GALNT14: variants seen among roughly 807,000 people sequenced by gnomAD.
GALNT14 encodes UDP-GalNAc:polypeptide N-acetylgalactosaminyltransferase 14.
A neutral mutation model predicts 77.5 loss-of-function variants in GALNT14; 60 were observed. That is an observed-to-expected ratio of 0.77 (90% CI 0.63 to 0.96). The LOEUF (loss-of-function observed/expected upper bound fraction) is 0.96, where lower values mean the gene tolerates loss of function less well. GALNT14 is among the 40% of genes least tolerant of loss of function. The pLI is 0.00. For missense variants in GALNT14, 710 were observed against 731.0 expected (o/e 0.97, Z 0.33); for synonymous variants, 280 against 281.7 (o/e 0.99, Z 0.06).
At chr2:31,074,803 T>C (rs1003937688) in intron 1 of GALNT14, among the ~76,000 whole-genome samples, 1 of 152,158 alleles carries the variant, frequency 6.6e-6, no homozygotes, top group African/African-American at 2.4e-5. Context: ...CAGCCCAGAC[T>C]TAAGAGGTAG....
At chr2:30,896,012 C>T in the GALNT14 span, among the ~76,000 whole-genome samples, 2 of 152,204 alleles carry the variant, frequency 1.3e-5, no homozygotes, top group African/African-American at 2.4e-5. Flanking sequence ...TGGGCAACCT[C>T]GACCAGTTAT....
chr2:30,953,452 G>A (rs1667165059), intron 6 of GALNT14, among the ~76,000 whole-genome samples: 4 of 152,006 alleles, frequency 2.6e-5, no homozygotes, highest in Non-Finnish European at 4.4e-5. Flanking sequence ...GGGACTACAG[G>A]TGCGTGCCAC....
At chr2:31,053,859 G>A (rs1315514834) in intron 1 of GALNT14, among the ~76,000 whole-genome samples, 1 of 152,188 alleles carries the variant, frequency 6.6e-6, no homozygotes, top group Non-Finnish European at 1.5e-5. Context: ...TTAGATCATA[G>A]CATTTAAGTC....
chr2:30,929,507 C>CA lies in GALNT14; in HGVS notation c.1059-21dup. The stretch of plus-strand genomic sequence containing the variant: ...GTGTTCCTGGGAAAACAAGGAGTGA[C>CA]AAGGGGTGTCAGTAAGGGGCTGTCT... On this transcript the variant is annotated intron_variant, in intron 10 of 14. Coordinates refer to ENST00000349752, the MANE Select transcript of GALNT14 (RefSeq NM_024572.4). The CA allele has an allele frequency of 6.3e-7, 1 of 1,583,880 alleles. No individual in the cohort carries two copies. Among genetic ancestry groups the CA allele is most frequent in the Non-Finnish European group, 8.7e-7 (1 of 1,155,288 alleles).
At chr2:30,932,732 C>A (rs2148255062) in intron 9 of GALNT14, among the ~76,000 whole-genome samples, 1 of 152,306 alleles carries the variant, frequency 6.6e-6, no homozygotes, top group South Asian at 2.1e-4. Flanking sequence ...ACAAAGGGGA[C>A]TGAGTCCCCA....
At chr2:31,024,989 C>T (rs1424012690) in intron 1 of GALNT14, among the ~76,000 whole-genome samples, 1 of 152,200 alleles carries the variant, frequency 6.6e-6, no homozygotes, top group Non-Finnish European at 1.5e-5. Flanking sequence ...CTGCTGTGTG[C>T]AGCAGGCCAA....
In GALNT14 at chr2:31,138,112, C is replaced by T. The variant is rs1481322498; in HGVS notation, c.-26G>A. The T allele has an allele frequency of 1.2e-6, 2 of 1,613,278 alleles. No homozygotes were observed. The highest frequency in any genetic ancestry group is 1.3e-5 in the African/African-American group (1 of 75,044). ...GGTCCCCTTTGCCGCTTCCTCTCCG[C>T]GGCGCTACGTCCCGGGGGCACCCCC... On this transcript the variant is annotated 5_prime_UTR_variant, in exon 1 of 15. Coordinates refer to ENST00000349752, the MANE Select transcript of GALNT14 (RefSeq NM_024572.4).
intron 1 of GALNT14, among the ~76,000 whole-genome samples, chr2:31,027,915 T>TGTGTGTGTGTGTGTGTGC (rs768786430): frequency 3.3e-5 from 5 of 151,840 alleles, no homozygotes; most frequent in Admixed American, 6.6e-5. Context: ...TGTGTGTGTG[T>TGTGTGTGTGTGTGTGTGC]GTGCACGCAT....
chr2:31,013,499 T>C (rs575350369), intron 1 of GALNT14, among the ~76,000 whole-genome samples: 2 of 152,262 alleles, frequency 1.3e-5, no homozygotes, highest in South Asian at 4.1e-4. Context: ...CAGCTTTCCA[T>C]GTCAGCGGAT....
intron 1 of GALNT14, among the ~76,000 whole-genome samples, chr2:31,010,373 G>A (rs192212937): frequency 0.014 from 2,159 of 152,304 alleles, 39 homozygotes; most frequent in Middle Eastern, 0.034. Context: ...GCCAAGGCGG[G>A]CAGATCACGA....
In GALNT14 at chr2:31,054,272, C is replaced by T. The variant is rs1002440768; in HGVS notation, c.130-61265G>A. ...GAAATCACACTTACATATGTGTGAGCTTACTCTGGCCATTGTGCCAATGCC... is the reference window on the plus strand; with the variant it reads ...GAAATCACACTTACATATGTGTGAGTTTACTCTGGCCATTGTGCCAATGCC... On this transcript the variant is annotated intron_variant, in intron 1 of 14. Coordinates refer to ENST00000349752, the MANE Select transcript of GALNT14 (RefSeq NM_024572.4). Among the ~76,000 whole-genome samples, 4 of 152,204 alleles carry T rather than the reference C, an allele frequency of 2.6e-5. No homozygotes were observed. In the East Asian group the frequency reaches 7.7e-4, roughly 29 times the overall value.
chr2:31,052,167 G>A (rs1446033239), intron 1 of GALNT14, among the ~76,000 whole-genome samples: 2 of 152,066 alleles, frequency 1.3e-5, no homozygotes, highest in Admixed American at 1.3e-4. Context: ...GTAGCACCCA[G>A]GACACTGCCC....
chr2:30,906,778 A>G (rs1664156577), downstream of GALNT14, among the ~76,000 whole-genome samples: 1 of 152,144 alleles, frequency 6.6e-6, no homozygotes, highest in Admixed American at 6.5e-5. Context: ...ACCACACCAC[A>G]CCTAGTCCAA....
At position 30,919,478 on chromosome 2, in the gene GALNT14, A is replaced by C. The variant is rs546075904; in HGVS notation, c.1380+4641T>G. Reference sequence around the variant, plus strand: ...GCCTGGGGCTCACCTGCCTGCAGAGACTGTGGGCAGCTAAAGCTGAACTCA... The same window carrying C: ...GCCTGGGGCTCACCTGCCTGCAGAGCCTGTGGGCAGCTAAAGCTGAACTCA... On this transcript the variant is annotated intron_variant, in intron 13 of 14. Transcript: ENST00000349752. Among the ~76,000 whole-genome samples, 3 of 152,222 alleles carry C rather than the reference A, an allele frequency of 2.0e-5. No individual in the cohort carries two copies. The South Asian group carries it at 6.2e-4, about 32-fold the overall frequency.
At chr2:31,088,012 T>C (rs1256142373) in intron 1 of GALNT14, among the ~76,000 whole-genome samples, 1 of 152,208 alleles carries the variant, frequency 6.6e-6, no homozygotes, top group Non-Finnish European at 1.5e-5. Context: ...TTTGACCAGA[T>C]ACAGAATCCA....
intron 1 of GALNT14, among the ~76,000 whole-genome samples, chr2:31,048,790 T>C (rs552877856): frequency 1.5e-4 from 23 of 152,230 alleles, no homozygotes; most frequent in African/African-American, 5.5e-4. Context: ...CTCTTCATTG[T>C]AGGCCAGGTC....
chr2:30,910,215 A>AT (rs1325339218), downstream of GALNT14, among the ~76,000 whole-genome samples: 1 of 147,882 alleles, frequency 6.8e-6, no homozygotes, highest in African/African-American at 2.5e-5. Flanking sequence ...TATAATAATA[A>AT]AAAAAAAAAG....
intron 1 of GALNT14, among the ~76,000 whole-genome samples, chr2:31,056,783 G>A (rs1250586893): frequency 1.3e-5 from 2 of 152,134 alleles, no homozygotes; most frequent in Non-Finnish European, 1.5e-5. Context: ...TCTAGCAGCA[G>A]GTCTAACTGC....
At chr2:30,957,011 A>G (rs545527232) in intron 4 of GALNT14, among the ~76,000 whole-genome samples, 57 of 152,108 alleles carry the variant, frequency 3.7e-4, no homozygotes, top group African/African-American at 1.3e-3. Flanking sequence ...CATCCTAAGC[A>G]TTTGTCCCTG....
Sources: gnomAD v4.1 joint callset for allele counts (sites outside exome capture counted in the v4.1 genomes callset) on GRCh38, gnomAD v4.1.1 for gene constraint, MANE v1.5 for transcripts, NCBI Gene and HGNC (gene_info 2026-07-23, HGNC 2026-07-21) for gene names.